ITPR2: variants seen among roughly 807,000 people sequenced by gnomAD.
The protein encoded by ITPR2 is inositol 1,4,5-trisphosphate-gated calcium channel ITPR2.
In ITPR2, 207 loss-of-function variants were observed where a neutral mutation model predicts 317.1. The ratio of observed to expected loss-of-function variants is 0.65; its 90% CI spans 0.58 to 0.73. The LOEUF (loss-of-function observed/expected upper bound fraction) is 0.73, where lower values mean the gene tolerates loss of function less well. ITPR2 is among the 30% of genes least tolerant of loss of function. ITPR2 has a pLI of 0.00. For synonymous variants in ITPR2, 1,156 were observed against 1,149.1 expected (o/e 1.01, Z -0.12); for missense variants, 2,613 against 3,284.0 (o/e 0.80, Z 4.99).
chr12:26,523,101 C>A (rs1308686762), intron 37 of ITPR2, among the ~76,000 whole-genome samples: 2 of 152,190 alleles, frequency 1.3e-5, no homozygotes, highest in Admixed American at 6.5e-5. Flanking sequence ...AAGCTCACAT[C>A]ATTGATTTTG....
chr12:26,619,607 C>T (rs11048621), intron 26 of ITPR2, among the ~76,000 whole-genome samples: 4,990 of 151,986 alleles, frequency 0.033, 123 homozygotes, highest in Middle Eastern at 0.099. Context: ...TTGATGTTGT[C>T]GTGCACAGAT....
chr12:26,774,504 A>G (rs1462460195), intron 2 of ITPR2, among the ~76,000 whole-genome samples: 7 of 152,216 alleles, frequency 4.6e-5, no homozygotes, highest in Admixed American at 3.9e-4. Flanking sequence ...ATTCTTTTCT[A>G]GAGATGTATT....
At chr12:26,424,796 G>A (rs973449648) in intron 49 of ITPR2, among the ~76,000 whole-genome samples, 2 of 151,748 alleles carry the variant, frequency 1.3e-5, no homozygotes, top group African/African-American at 4.8e-5. Context: ...ATCCCATTTT[G>A]TCACCCAGGC....
At chr12:26,498,572 T>G (rs952919566) in intron 37 of ITPR2, among the ~76,000 whole-genome samples, 2 of 152,222 alleles carry the variant, frequency 1.3e-5, no homozygotes, top group African/African-American at 4.8e-5. Context: ...GAGGTCACAT[T>G]AACTGAAGCA....
At chr12:26,418,962 A>T (rs1940806774) in intron 50 of ITPR2, 87 bp downstream of exon 50, 15 of 696,984 alleles carry the variant, frequency 2.2e-5, no homozygotes, top group East Asian at 1.2e-4. Flanking sequence ...GGCTTTGCTT[A>T]AAAAAAAAAA....
intron 26 of ITPR2, among the ~76,000 whole-genome samples, chr12:26,610,288 G>A (rs1322000855): frequency 6.6e-6 from 1 of 152,178 alleles, no homozygotes; most frequent in Non-Finnish European, 1.5e-5. Flanking sequence ...CCACTGCACA[G>A]AATCTCATAC....
chr12:26,605,102 T>TAAATA (rs1229944926), intron 26 of ITPR2, among the ~76,000 whole-genome samples: 28 of 101,490 alleles, frequency 2.8e-4, no homozygotes, highest in Non-Finnish European at 4.0e-4. Context: ...AAAAAAAAAA[T>TAAATA]AAAAATAAAA....
chr12:26,795,315 C>T (rs776384307), intron 1 of ITPR2, among the ~76,000 whole-genome samples: 5 of 152,114 alleles, frequency 3.3e-5, no homozygotes, highest in Non-Finnish European at 7.3e-5. Context: ...AACTATAAAA[C>T]GTGTAGAATA....
intron 55 of ITPR2, among the ~76,000 whole-genome samples, chr12:26,374,588 T>C (rs190470957): frequency 6.6e-6 from 1 of 152,238 alleles, no homozygotes; most frequent in African/African-American, 2.4e-5. Context: ...ATATTTTAAG[T>C]AGATGTGGGA....
intron 26 of ITPR2, among the ~76,000 whole-genome samples, chr12:26,606,068 C>T (rs1443499801): frequency 6.6e-6 from 1 of 152,138 alleles, no homozygotes; most frequent in East Asian, 1.9e-4. Flanking sequence ...ATTCTATAAA[C>T]TTTAGCCCTA....
rs775173420 is a variant in ITPR2, at chr12:26,832,816, T to A, written c.-35A>T. The A allele has an allele frequency of 1.0e-4, 149 of 1,488,370 alleles. No individual in the cohort carries two copies. The highest frequency in any genetic ancestry group is 1.4e-4 in the Non-Finnish European group (147 of 1,075,372). 92.2% of individuals were successfully genotyped at this position (1,488,370 alleles called of 1,614,324 possible). A position where few individuals can be genotyped will look rare whatever the true frequency, so the allele number is the denominator to read the frequency against. The stretch of plus-strand genomic sequence containing the variant: ...TGTTCCACAGTGGACGTCCCTCTTC[T>A]TCCCTGCGCCCTCGCCGCCCTCTCT... On this transcript the variant is annotated 5_prime_UTR_variant, in exon 1 of 57. It adds an upstream start codon to the 5' untranslated region. Transcript: ENST00000381340.
At chr12:26,480,021 G>T (rs1942510158) in intron 43 of ITPR2, among the ~76,000 whole-genome samples, 1 of 152,112 alleles carries the variant, frequency 6.6e-6, no homozygotes, top group Admixed American at 6.6e-5. Context: ...TTAGAAACAG[G>T]ATTAGAAAAA....
chr12:26,832,671 G>A lies in ITPR2; in HGVS notation c.92+19C>T. The A allele has an allele frequency of 6.3e-7, 1 of 1,575,668 alleles. No individual in the cohort carries two copies. Among genetic ancestry groups the A allele is most frequent in the Non-Finnish European group, 8.6e-7 (1 of 1,156,278 alleles). On this transcript the variant is annotated intron_variant, in intron 1 of 56. Transcript: ENST00000381340. ...GGACCCGGAGCGCGAGCGCTGCCCA[G>A]CCCTCGTCTCCCGCTTACCCCAAGG...
At position 26,659,299 on chromosome 12, in the gene ITPR2, A is replaced by C. The variant is rs1353122736; in HGVS notation, c.1714-14T>G. 2.5e-6 allele frequency: 4 copies of C among 1,611,250 alleles called. No homozygotes were observed. The highest frequency in any genetic ancestry group is 2.5e-6 in the Non-Finnish European group (3 of 1,178,808). ...AGCAATATATTCCTGCAAAGAAGAA[A>C]GGCTGTCAGAATGCACTGCCAAACA... On this transcript the variant is annotated splice_polypyrimidine_tract_variant and intron_variant, in intron 15 of 56. Transcript: ENST00000381340.
At chr12:26,674,806 G>A (rs1373405905) in intron 13 of ITPR2, among the ~76,000 whole-genome samples, 1 of 151,934 alleles carries the variant, frequency 6.6e-6, no homozygotes, top group Non-Finnish European at 1.5e-5. Context: ...ATCTGACAAA[G>A]GGCTAATATC....
chr12:26,538,561 TTTTTTTTC>T (rs569666607), intron 37 of ITPR2, among the ~76,000 whole-genome samples: 8,573 of 151,974 alleles, frequency 0.056, 336 homozygotes, highest in African/African-American at 0.11. Context: ...AGCCTGTGAT[TTTTTTTTC>T]TTTTTTTCTT....
intron 46 of ITPR2, among the ~76,000 whole-genome samples, chr12:26,440,354 GCAGC>G (rs1182767311): frequency 6.6e-6 from 1 of 152,116 alleles, no homozygotes; most frequent in Non-Finnish European, 1.5e-5. Flanking sequence ...TAGAATGCTA[GCAGC>G]CATTTTGCAA....
At chr12:26,810,311 C>A (rs571370674) in intron 1 of ITPR2, among the ~76,000 whole-genome samples, 2 of 152,042 alleles carry the variant, frequency 1.3e-5, no homozygotes, top group East Asian at 3.9e-4. Context: ...TTCATAGTGT[C>A]CTATATTTCA....
chr12:26,556,202 A>C, intron 36 of ITPR2, 31 bp downstream of exon 36: 3 of 1,609,170 alleles, frequency 1.9e-6, no homozygotes, highest in Non-Finnish European at 2.5e-6. Context: ...GTTTGACGAC[A>C]CTAGCAGAAT....
Sources: gnomAD v4.1 joint callset for allele counts (sites outside exome capture counted in the v4.1 genomes callset) on GRCh38, gnomAD v4.1.1 for gene constraint, MANE v1.5 for transcripts, NCBI Gene and HGNC (gene_info 2026-07-23, HGNC 2026-07-21) for gene names.